OR1I1: variants seen among roughly 807,000 people sequenced by gnomAD.
OR1I1 encodes the protein olfactory receptor 1I1.
For synonymous variants in OR1I1, 171 were observed against 181.4 expected (o/e 0.94, Z 0.46); for missense variants, 451 against 443.6 (o/e 1.02, Z -0.15).
At position 15,087,566 on chromosome 19, in the gene OR1I1, C is replaced by T. The variant is rs1265825806; in HGVS notation, c.501C>T (p.Thr167=). The part of the protein sequence containing the change: ...LIHTCLMAQL[T]FCAGSEISHF... ...ACACCTGCCTCATGGCTCAACTGACCTTCTGCGCCGGCTCTGAAATCTCCC... is the reference window on the plus strand; with the variant it reads ...ACACCTGCCTCATGGCTCAACTGACTTTCTGCGCCGGCTCTGAAATCTCCC... Residue 167 remains threonine, a synonymous_variant, in exon 2 of 2, where the codon ACC becomes ACT. Transcript: ENST00000641398. 6.2e-6 allele frequency: 10 copies of T among 1,614,074 alleles called. No individual in the cohort carries two copies. Among genetic ancestry groups the T allele is most frequent in the South Asian group, 1.1e-5 (1 of 91,092 alleles).
intron 1 of OR1I1, among the ~76,000 whole-genome samples, chr19:15,086,737 C>T (rs895238789): frequency 3.3e-5 from 5 of 152,008 alleles, no homozygotes; most frequent in African/African-American, 9.7e-5. Flanking sequence ...ATTACAGGCG[C>T]GGGCCACTTG....
rs1223758700 is a variant in OR1I1, at chr19:15,087,195, C to G, written c.130C>G (p.Leu44Val). ...TYLVTIIGNA[L>V]IILAIITDSH... ...CCTGGTCACCATCATTGGAAATGCC[C>G]TCATTATCCTGGCCATCATCACGGA... Residue 44 changes from leucine to valine, a missense_variant, in exon 2 of 2, where the codon CTC becomes GTC. Leu to Val is a conservative substitution (Grantham distance 32). Transcript: ENST00000641398. 1 of 1,614,076 alleles carries G rather than the reference C, an allele frequency of 6.2e-7. No individual in the cohort carries two copies. The highest frequency in any genetic ancestry group is 1.7e-5 in the Admixed American group (1 of 59,994).
chr19:15,086,069 C>A (rs548087895), intron 1 of OR1I1, among the ~76,000 whole-genome samples: 1 of 152,056 alleles, frequency 6.6e-6, no homozygotes, highest in Non-Finnish European at 1.5e-5. Context: ...AATCCCAGCA[C>A]CTTGGGAGTC....
At chr19:15,082,772 CGG>C (rs34665427) in intron 1 of OR1I1, among the ~76,000 whole-genome samples, 1 of 112,716 alleles carries the variant, frequency 8.9e-6, no homozygotes, top group African/African-American at 4.1e-5. Flanking sequence ...AGTTTGGGAG[CGG>C]GGGGGAGGGG....
At chr19:15,083,237 A>G (rs961332308) in intron 1 of OR1I1, among the ~76,000 whole-genome samples, 5 of 150,904 alleles carry the variant, frequency 3.3e-5, no homozygotes, top group Admixed American at 3.3e-4. Context: ...CACCATGCCC[A>G]GCAGATTGTT....
intron 1 of OR1I1, among the ~76,000 whole-genome samples, chr19:15,084,341 T>G (rs1026525729): frequency 2.0e-5 from 3 of 152,148 alleles, no homozygotes; most frequent in Admixed American, 2.0e-4. Context: ...GGGCAGATGA[T>G]GAGGTCAGGA....
rs944232050 is a variant in OR1I1 at position 15,089,070 on chromosome 19, A to C, written c.*937A>C. 6.7e-6 allele frequency: 1 copy of C among 149,190 alleles called. No individual in the cohort carries two copies. The highest frequency in any genetic ancestry group is 6.7e-5 in the Admixed American group (1 of 14,876). 9.2% of individuals were successfully genotyped at this position (149,190 alleles called of 1,614,324 possible). On this transcript the variant is annotated 3_prime_UTR_variant, in exon 2 of 2. Transcript: ENST00000641398. ...ATGGATGGATAGATAGAGATAGAGG[A>C]GGTAGGTAGATAGATAGATAGATAG...
chr19:15,088,375 G>C lies in OR1I1; in HGVS notation c.*242G>C, dbSNP rs893032432. ...TCATTTTAGTATTGACAAAGGCCAG[G>C]TGTGGAAGCTCAAGCCTGTGATCCC... On this transcript the variant is annotated 3_prime_UTR_variant, in exon 2 of 2. Transcript: ENST00000641398. 2.3e-6 allele frequency: 1 copy of C among 444,088 alleles called. No individual in the cohort carries two copies. Among genetic ancestry groups the C allele is most frequent in the Non-Finnish European group, 4.0e-6 (1 of 249,910 alleles). The allele number at this position is 444,088 out of a possible 1,614,324, so 27.5% of individuals were successfully genotyped here.
rs2046242416 is a variant in OR1I1 at position 15,088,724 on chromosome 19, AT to A, written c.*592del. The A allele has an allele frequency of 6.7e-6, 1 of 148,400 alleles. No homozygotes were observed. The allele number at this position is 148,400 out of a possible 1,614,324, so 9.2% of individuals were successfully genotyped here. A position where few individuals can be genotyped will look rare whatever the true frequency, so the allele number is the denominator to read the frequency against. ...GATAGATAGATAGACAGACAGATAG[AT>A]AGAGAGGATAAGATAAGATAGGTAG... On this transcript the variant is annotated 3_prime_UTR_variant, in exon 2 of 2. Coordinates refer to ENST00000641398, the MANE Select transcript of OR1I1 (RefSeq NM_001004713.2).
rs2145308321 is a variant in OR1I1 at position 15,091,939 on chromosome 19, GA to G, written c.*3807del. Reference sequence around the variant, plus strand: ...GACCCAAATAGGCTTTAGGTACAGAGATACAGGAGAACCAGATTTGGGGTGC... The same window carrying G: ...GACCCAAATAGGCTTTAGGTACAGAGTACAGGAGAACCAGATTTGGGGTGC... On this transcript the variant is annotated 3_prime_UTR_variant, in exon 2 of 2. Coordinates refer to ENST00000641398, the MANE Select transcript of OR1I1 (RefSeq NM_001004713.2). The G allele has an allele frequency of 6.6e-6, 1 of 151,748 alleles. No individual in the cohort carries two copies. The highest frequency in any genetic ancestry group is 6.6e-5 in the Admixed American group (1 of 15,194). 9.4% of individuals were successfully genotyped at this position (151,748 alleles called of 1,614,324 possible). A position where few individuals can be genotyped will look rare whatever the true frequency, so the allele number is the denominator to read the frequency against.
Position 15,088,206 on chromosome 19 carries a change from G to A in OR1I1, c.*73G>A. ...GTGTATGAGCACCCAAAGGAAAGGT[G>A]TGCATTTTCCCCAGGATTTATCTTC... On this transcript the variant is annotated 3_prime_UTR_variant, in exon 2 of 2. Transcript: ENST00000641398. The A allele has an allele frequency of 6.8e-7, 1 of 1,463,162 alleles. No homozygotes were observed. Among genetic ancestry groups the A allele is most frequent in the Non-Finnish European group, 9.1e-7 (1 of 1,104,954 alleles). 90.6% of individuals were successfully genotyped at this position (1,463,162 alleles called of 1,614,324 possible).
rs1017482749 is a variant in OR1I1, at chr19:15,088,786, T to C, written c.*653T>C. 4.1e-5 allele frequency: 4 copies of C among 98,728 alleles called. No homozygotes were observed. The highest frequency in any genetic ancestry group is 1.5e-4 in the African/African-American group (4 of 27,144). The allele number at this position is 98,728 out of a possible 1,614,324, so 6.1% of individuals were successfully genotyped here. ...TAGATAAGATATGTAGATAGATAGA[T>C]AGATAGATAGATAGATAGATAGATA... On this transcript the variant is annotated 3_prime_UTR_variant, in exon 2 of 2. Coordinates refer to ENST00000641398, the MANE Select transcript of OR1I1 (RefSeq NM_001004713.2).
In OR1I1 at chr19:15,090,960, A is replaced by G. The variant is rs1450398310; in HGVS notation, c.*2827A>G. The G allele has an allele frequency of 6.6e-6, 1 of 152,222 alleles. No individual in the cohort carries two copies. Among genetic ancestry groups the G allele is most frequent in the Non-Finnish European group, 1.5e-5 (1 of 68,040 alleles). 9.4% of individuals were successfully genotyped at this position (152,222 alleles called of 1,614,324 possible). On this transcript the variant is annotated 3_prime_UTR_variant, in exon 2 of 2. Coordinates refer to ENST00000641398, the MANE Select transcript of OR1I1 (RefSeq NM_001004713.2). ...TTAGTTTAAGAAATGTCAGCAACCTACAAAACCTACAAAGTGTCCCAGTAC... is the reference window on the plus strand; with the variant it reads ...TTAGTTTAAGAAATGTCAGCAACCTGCAAAACCTACAAAGTGTCCCAGTAC...
In OR1I1 at chr19:15,087,160, T is replaced by C. The variant is rs1458442612; in HGVS notation, c.95T>C (p.Leu32Pro). 3 of 1,613,946 alleles carry C rather than the reference T, an allele frequency of 1.9e-6. No individual in the cohort carries two copies. The highest frequency in any genetic ancestry group is 1.3e-5 in the African/African-American group (1 of 74,890). Residue 32 changes from leucine (L) to proline (P), a missense_variant, in exon 2 of 2, where the codon CTC becomes CCC. Transcript: ENST00000641398. Reference sequence around the variant, plus strand: ...CAGACCCTCCTCTTCACAATGTTCCTCTCCACATACCTGGTCACCATCATT... The same window carrying C: ...CAGACCCTCCTCTTCACAATGTTCCCCTCCACATACCTGGTCACCATCATT... ...EHQTLLFTMF[L>P]STYLVTIIGN...
In OR1I1 at chr19:15,091,296, C is replaced by G. The variant is rs189693614; in HGVS notation, c.*3163C>G. The G allele has an allele frequency of 6.6e-6, 1 of 152,116 alleles. No individual in the cohort carries two copies. The highest frequency in any genetic ancestry group is 1.5e-5 in the Non-Finnish European group (1 of 68,078). 9.4% of individuals were successfully genotyped at this position (152,116 alleles called of 1,614,324 possible). A position where few individuals can be genotyped will look rare whatever the true frequency, so the allele number is the denominator to read the frequency against. ...TTCCCAGCACTTTGGGAGGCCGAGG[C>G]GGGCAGATCACAAGGTCAGTAGATC... is the stretch of plus-strand genomic sequence containing the variant. On this transcript the variant is annotated 3_prime_UTR_variant, in exon 2 of 2. Transcript: ENST00000641398.
intron 1 of OR1I1, among the ~76,000 whole-genome samples, chr19:15,083,393 G>A (rs778116819): frequency 2.2e-4 from 33 of 152,104 alleles, no homozygotes; most frequent in Non-Finnish European, 8.8e-5. Context: ...ACCATGCCTG[G>A]CCCGCTTTTT....
At position 15,087,795 on chromosome 19, in the gene OR1I1, C is replaced by T. The variant is rs73008812; in HGVS notation, c.730C>T (p.His244Tyr). 289,813 of 1,614,018 alleles carry T rather than the reference C, an allele frequency of 0.18. 28,098 individuals carry two copies. The highest frequency in any genetic ancestry group is 0.29 in the South Asian group (26,188 of 91,074). Residue 244 changes from histidine (H) to tyrosine (Y), a missense_variant, in exon 2 of 2, where the codon CAC (histidine) becomes TAC (tyrosine). His to Tyr is a moderately conservative substitution (Grantham distance 83, BLOSUM62 2). Transcript: ENST00000641398. The part of the protein sequence containing the change: ...KWKAFSTCGL[H>Y]LTVVSLSYGT... ...GAAAGCCTTCTCCACCTGTGGCTTA[C>T]ACCTCACTGTGGTGTCACTGTCCTA...
chr19:15,086,434 G>C (rs1340305444), intron 1 of OR1I1, among the ~76,000 whole-genome samples: 2 of 152,044 alleles, frequency 1.3e-5, no homozygotes, highest in Non-Finnish European at 2.9e-5. Flanking sequence ...GATTCTGCTT[G>C]ATTTTCTTTT....
chr19:15,082,616 T>A (rs1014711445), intron 1 of OR1I1, among the ~76,000 whole-genome samples: 1 of 151,986 alleles, frequency 6.6e-6, no homozygotes, highest in Non-Finnish European at 1.5e-5. Flanking sequence ...ATAGGAGAGG[T>A]CTTGAGAAAC....
Sources: gnomAD v4.1 joint callset for allele counts (sites outside exome capture counted in the v4.1 genomes callset) on GRCh38, gnomAD v4.1.1 for gene constraint, MANE v1.5 for transcripts, NCBI Gene and HGNC (gene_info 2026-07-23, HGNC 2026-07-21) for gene names.